The following ARRB1 variants were observed in gnomAD, a reference collection of about 807,000 sequenced individuals.
The protein encoded by ARRB1 is beta-arrestin-1.
ARRB1 carries 21 observed loss-of-function variants against 56.8 expected under a neutral mutation model. The ratio of observed to expected loss-of-function variants is 0.37; its 90% confidence interval spans 0.26 to 0.53. The LOEUF is 0.53. ARRB1 is among the 20% of genes least tolerant of loss of function. The pLI is 0.88. For synonymous variants in ARRB1, 210 were observed against 218.6 expected (o/e 0.96, Z 0.35); for missense variants, 424 against 553.7 (o/e 0.77, Z 2.35).
At chr11:75,295,910 C>T (rs1420033024) in intron 1 of ARRB1, among the ~76,000 whole-genome samples, 1 of 152,180 alleles carries the variant, frequency 6.6e-6, no homozygotes, top group Admixed American at 6.5e-5. Flanking sequence ...ATTGGCTGGG[C>T]ACAGTGGCTC....
At chr11:75,350,588 T>C (rs1017755341) in intron 1 of ARRB1, among the ~76,000 whole-genome samples, 6 of 152,186 alleles carry the variant, frequency 3.9e-5, no homozygotes, top group African/African-American at 1.4e-4. Context: ...CTCCTCCTTT[T>C]GTCCCAGTTT....
At chr11:75,318,838 T>G (rs1344558830) in intron 1 of ARRB1, among the ~76,000 whole-genome samples, 1 of 152,194 alleles carries the variant, frequency 6.6e-6, no homozygotes, top group East Asian at 1.9e-4. Flanking sequence ...AGAACTGGGC[T>G]GTCAGGGCTG....
At chr11:75,312,166 C>T (rs1947177288) in intron 1 of ARRB1, 3 of 1,287,490 alleles carry the variant, frequency 2.3e-6, no homozygotes, top group Middle Eastern at 2.1e-4. Context: ...CCTCGCCCTC[C>T]CCGGGGAGTG....
intron 1 of ARRB1, among the ~76,000 whole-genome samples, chr11:75,340,340 TAC>T (rs2134991610): frequency 6.6e-6 from 1 of 152,370 alleles, no homozygotes; most frequent in South Asian, 2.1e-4. Context: ...CTCACCATTC[TAC>T]ACAGTGTGGG....
Position 75,261,885 on chromosome 11 carries a change from T to G in ARRB1, c.*4278A>C, listed in dbSNP as rs1658699757. The G allele has an allele frequency of 6.6e-6, 1 of 152,288 alleles. No individual in the cohort carries two copies. The highest frequency in any genetic ancestry group is 6.5e-5 in the Admixed American group (1 of 15,286). 9.4% of individuals were successfully genotyped at this position (152,288 alleles called of 1,614,324 possible). A position where few individuals can be genotyped will look rare whatever the true frequency, so the allele number is the denominator to read the frequency against. Reference sequence around the variant, plus strand: ...AGATATCAGAACAGGCATAGGCCTATGTCCATGAGACCCTATAAGAGTGTA... The same window carrying G: ...AGATATCAGAACAGGCATAGGCCTAGGTCCATGAGACCCTATAAGAGTGTA... On this transcript the variant is annotated 3_prime_UTR_variant, in exon 16 of 16. Coordinates refer to ENST00000420843, the MANE Select transcript of ARRB1 (RefSeq NM_004041.5).
chr11:75,312,779 T>A (rs534716767), intron 1 of ARRB1, among the ~76,000 whole-genome samples: 2 of 152,262 alleles, frequency 1.3e-5, no homozygotes, highest in South Asian at 4.1e-4. Context: ...TCTACACTGC[T>A]GGCTTCAAAG....
At chr11:75,285,313 T>C (rs1946443883) in intron 3 of ARRB1, among the ~76,000 whole-genome samples, 1 of 152,252 alleles carries the variant, frequency 6.6e-6, no homozygotes. Flanking sequence ...CCCTGAGGCC[T>C]GCCCTTGGGG....
chr11:75,320,741 T>C (rs1947336665), intron 1 of ARRB1, among the ~76,000 whole-genome samples: 1 of 151,738 alleles, frequency 6.6e-6, no homozygotes, highest in Admixed American at 6.6e-5. Context: ...CATTGTAGAG[T>C]AAAATTCATC....
At chr11:75,300,202 C>CAAAAAA (rs10557397) in intron 1 of ARRB1, among the ~76,000 whole-genome samples, 5 of 87,324 alleles carry the variant, frequency 5.7e-5, no homozygotes, top group African/African-American at 1.6e-4. Flanking sequence ...GACTCTGTCT[C>CAAAAAA]AAAAAAAAAA....
intron 1 of ARRB1, among the ~76,000 whole-genome samples, chr11:75,295,340 T>C (rs1446078063): frequency 1.3e-5 from 2 of 151,952 alleles, no homozygotes; most frequent in African/African-American, 4.8e-5. Context: ...CAGGGCTGCA[T>C]TCATTTCTGG....
At chr11:75,276,673 T>C (rs753500211) in intron 10 of ARRB1, among the ~76,000 whole-genome samples, 166 bp downstream of exon 10, 11 of 152,118 alleles carry the variant, frequency 7.2e-5, no homozygotes, top group Non-Finnish European at 1.6e-4. Flanking sequence ...AGGTGGATGG[T>C]TTCTAAAAGG....
chr11:75,325,157 G>A (rs541680007), intron 1 of ARRB1, among the ~76,000 whole-genome samples: 13 of 152,222 alleles, frequency 8.5e-5, no homozygotes, highest in African/African-American at 1.2e-4. Flanking sequence ...GAGATTGACC[G>A]TAAGGAGGAC....
At chr11:75,315,544 C>A (rs1947251316) in intron 1 of ARRB1, among the ~76,000 whole-genome samples, 1 of 152,234 alleles carries the variant, frequency 6.6e-6, no homozygotes, top group South Asian at 2.1e-4. Context: ...CAGCTTCCCG[C>A]TGCCCTCCCC....
chr11:75,296,230 T>TG (rs1338821348), intron 1 of ARRB1, among the ~76,000 whole-genome samples: 1 of 151,810 alleles, frequency 6.6e-6, no homozygotes, highest in African/African-American at 2.4e-5. Context: ...GCAAAATGTT[T>TG]GTTTCAGGTG....
chr11:75,295,804 G>A (rs1031515365), intron 1 of ARRB1, among the ~76,000 whole-genome samples: 4 of 152,212 alleles, frequency 2.6e-5, no homozygotes, highest in African/African-American at 4.8e-5. Flanking sequence ...TGACAGATGT[G>A]TAGCATAAGG....
At chr11:75,270,367 C>T (rs562018527) in intron 13 of ARRB1, among the ~76,000 whole-genome samples, 6 of 152,296 alleles carry the variant, frequency 3.9e-5, no homozygotes, top group South Asian at 2.1e-4. Context: ...CGGTGGCTCA[C>T]GCCTGTAATC....
In ARRB1 at chr11:75,263,740, GAAAA is replaced by G. The variant is rs200753370; in HGVS notation, c.*2419_*2422del. On this transcript the variant is annotated 3_prime_UTR_variant, in exon 16 of 16. Coordinates refer to ENST00000420843, the MANE Select transcript of ARRB1 (RefSeq NM_004041.5). ...GCCTTGTGCAGTCCTGGCTCCAGGAGAAAAAAAAAAAAAAAAGATAGTGCTCTGA... is the reference window on the plus strand; with the variant it reads ...GCCTTGTGCAGTCCTGGCTCCAGGAGAAAAAAAAAAAAGATAGTGCTCTGA... Among the ~76,000 whole-genome samples the G allele has an allele frequency of 8.5e-6, 1 of 117,974 alleles. No individual in the cohort carries two copies. The highest frequency in any genetic ancestry group is 1.8e-5 in the Non-Finnish European group (1 of 54,170). The allele number at this position is 117,974 out of a possible 152,430, so 77.4% of individuals were successfully genotyped here. A position where few individuals can be genotyped will look rare whatever the true frequency, so the allele number is the denominator to read the frequency against.
At position 75,311,974 on chromosome 11, in the gene ARRB1, C is replaced by G. The variant is rs570462080; in HGVS notation, c.21-21935G>C. 4.9e-6 allele frequency: 6 copies of G among 1,216,770 alleles called. No individual in the cohort carries two copies. In the African/African-American group the frequency reaches 7.8e-5, roughly 16 times the overall value. The allele number at this position is 1,216,770 out of a possible 1,614,324, so 75.4% of individuals were successfully genotyped here. On this transcript the variant is annotated intron_variant, in intron 1 of 15. Transcript: ENST00000420843. Reference sequence around the variant, plus strand: ...GAGGAACCAAGCAGCAGGGCCTGGGCCGAGGGGCTGGGAAAAAGCTGACCG... The same window carrying G: ...GAGGAACCAAGCAGCAGGGCCTGGGGCGAGGGGCTGGGAAAAAGCTGACCG...
intron 1 of ARRB1, among the ~76,000 whole-genome samples, chr11:75,299,643 A>G (rs938281682): frequency 1.3e-5 from 2 of 152,066 alleles, no homozygotes; most frequent in Non-Finnish European, 2.9e-5. Context: ...CTACCCTCTA[A>G]GTCTGGGTTA....
Sources: gnomAD v4.1 joint callset for allele counts (sites outside exome capture counted in the v4.1 genomes callset) on GRCh38, gnomAD v4.1.1 for gene constraint, MANE v1.5 for transcripts, NCBI Gene and HGNC (gene_info 2026-07-23, HGNC 2026-07-21) for gene names.